CKAP2: variants seen among roughly 807,000 people sequenced by gnomAD.
CKAP2 encodes cytoskeleton-associated protein 2.
A neutral mutation model predicts 58.4 loss-of-function variants in CKAP2; 46 were observed. That is an observed-to-expected ratio of 0.79 (90% CI 0.62 to 1.01). The LOEUF (loss-of-function observed/expected upper bound fraction) is 1.01. Ranked by LOEUF, CKAP2 falls within the 50% of genes least tolerant of loss-of-function variation. The probability of loss-of-function intolerance (pLI) is 0.00; values close to 1 mark genes in which losing one functional copy is unlikely to be tolerated. For synonymous variants in CKAP2, 293 were observed against 280.9 expected (o/e 1.04, Z -0.43); for missense variants, 809 against 796.4 (o/e 1.02, Z -0.19).
intron 6 of CKAP2, among the ~76,000 whole-genome samples, chr13:52,466,154 T>A (rs1371855545): frequency 6.6e-6 from 1 of 152,164 alleles, no homozygotes. Flanking sequence ...AGTGCCTCGA[T>A]ACCATACTCC....
At position 52,461,315 on chromosome 13, in the gene CKAP2, A is replaced by G; in HGVS notation, c.489A>G (p.Gln163=). The part of the protein sequence containing the change: ...SKKKQMTTEK[Q]KQDANMPKKP... The stretch of plus-strand genomic sequence containing the variant: ...AGAAACAAATGACTACAGAAAAACA[A>G]AAGCAAGATGCTAACATGCCCAAGA... The change falls in exon 4 of 9, where the codon CAA becomes CAG. Residue 163 remains glutamine, a synonymous_variant. Transcript: ENST00000258607. 1 of 1,614,182 alleles carries G rather than the reference A, an allele frequency of 6.2e-7. No individual in the cohort carries two copies. Among genetic ancestry groups the G allele is most frequent in the East Asian group, 2.2e-5 (1 of 44,882 alleles).
chr13:52,464,747 C>T (rs1437467089), intron 5 of CKAP2, among the ~76,000 whole-genome samples: 1 of 152,106 alleles, frequency 6.6e-6, no homozygotes, highest in Non-Finnish European at 1.5e-5. Flanking sequence ...TGGTCACCCA[C>T]TAGTGTGTAA....
Position 52,460,876 on chromosome 13 carries a change from TTTG to T in CKAP2, c.156-20_156-18del. ...CCTTGGTACAGGATTGATTGATCAT[TTTG>T]TTTGTTTGTTTTTAAGTAGTAGAGA... On this transcript the variant is annotated intron_variant, in intron 2 of 8. Transcript: ENST00000258607. 5.0e-6 allele frequency: 8 copies of T among 1,605,094 alleles called. No individual in the cohort carries two copies. The highest frequency in any genetic ancestry group is 6.8e-6 in the Non-Finnish European group (8 of 1,174,006).
chr13:52,456,011 G>T, intron 1 of CKAP2: 1 of 1,060,886 alleles, frequency 9.4e-7, no homozygotes, highest in Non-Finnish European at 1.1e-6. Flanking sequence ...GGTCCCTAGC[G>T]AATTTCTGCA....
At chr13:52,455,685 C>T (rs1958466027) in intron 1 of CKAP2, 59 bp downstream of exon 1, 11 of 1,417,524 alleles carry the variant, frequency 7.8e-6, no homozygotes, top group South Asian at 4.6e-5. Flanking sequence ...GGCGCGGGCC[C>T]GGCGGTCGGG....
At position 52,461,521 on chromosome 13, in the gene CKAP2, C is replaced by T. The variant is rs1418188899; in HGVS notation, c.695C>T (p.Ser232Phe). Residue 232 changes from serine to phenylalanine, a missense_variant, in exon 4 of 9, where the codon TCC becomes TTC. By Grantham distance (155) the Ser-to-Phe change is radical. Transcript: ENST00000258607. The stretch of plus-strand genomic sequence containing the variant: ...AGTGTAACAGTGAAAAGTAATAGAT[C>T]CTCCAATATGACTGCCACTACTAAA... ...TSSVTVKSNR[S>F]SNMTATTKFV... 2 of 1,614,126 alleles carry T rather than the reference C, an allele frequency of 1.2e-6. No homozygotes were observed. Among genetic ancestry groups the T allele is most frequent in the Admixed American group, 1.7e-5 (1 of 60,010 alleles).
chr13:52,471,979 C>A (rs571003110), intron 7 of CKAP2, among the ~76,000 whole-genome samples: 1 of 152,314 alleles, frequency 6.6e-6, no homozygotes, highest in Admixed American at 6.5e-5. Flanking sequence ...CTCTCCCCTA[C>A]ATCCCTGAAT....
chr13:52,466,257 A>G (rs1566102412), intron 6 of CKAP2, among the ~76,000 whole-genome samples: 2 of 152,122 alleles, frequency 1.3e-5, no homozygotes, highest in Admixed American at 1.3e-4. Context: ...GTTTTTATGG[A>G]TACATGTTCT....
chr13:52,461,802 G>A lies in CKAP2; in HGVS notation c.976G>A (p.Ala326Thr), dbSNP rs755066439. 10 of 1,613,932 alleles carry A rather than the reference G, an allele frequency of 6.2e-6. No homozygotes were observed. In the East Asian group the frequency reaches 6.7e-5, roughly 11 times the overall value. ...SIASEVIARP[A>T]SLSNDKLMEK... ...AGCATCTGAAGTTATAGCCAGGCCT[G>A]CTTCATTGTCTAATGATAAACTGAT... The change falls in exon 4 of 9, where the codon GCT (alanine) becomes ACT (threonine). Residue 326 changes from alanine (A) to threonine (T), a missense_variant. Around this residue, in one of 3 missense-constraint regions of CKAP2, gnomAD observed 523 missense variants for 492.4 expected, o/e 1.06. Coordinates refer to ENST00000258607, the MANE Select transcript of CKAP2 (RefSeq NM_018204.5).
At chr13:52,462,636 AT>A in intron 5 of CKAP2, 69 bp downstream of exon 5, 1 of 1,246,896 alleles carries the variant, frequency 8.0e-7, no homozygotes, top group Non-Finnish European at 1.1e-6. Flanking sequence ...ATTTCATTAA[AT>A]TATATTGTCA....
At chr13:52,464,844 G>A (rs867256039) in intron 5 of CKAP2, among the ~76,000 whole-genome samples, 1 of 152,112 alleles carries the variant, frequency 6.6e-6, no homozygotes, top group Non-Finnish European at 1.5e-5. Flanking sequence ...CTGAACACCA[G>A]TAAAAGTTAC....
chr13:52,473,599 G>A (rs1034321454), intron 7 of CKAP2: 1 of 401,250 alleles, frequency 2.5e-6, no homozygotes. Flanking sequence ...TTCTTTTTGT[G>A]GGTTTTAATA....
chr13:52,475,047 A>G lies in CKAP2; in HGVS notation c.1955A>G (p.Glu652Gly), dbSNP rs1958809496. Residue 652 changes from glutamate (E) to glycine (G), a missense_variant, in exon 9 of 9, where the codon GAA (glutamate) becomes GGA (glycine). By Grantham distance (98) the Glu-to-Gly change is moderately conservative. Transcript: ENST00000258607. Reference sequence around the variant, plus strand: ...CATTATCCTTGTGTGTCTTCATTGGAACAGCTAACGGAGTTGGGAAGAGAA... The same window carrying G: ...CATTATCCTTGTGTGTCTTCATTGGGACAGCTAACGGAGTTGGGAAGAGAA... ...KDHYPCVSSL[E>G]QLTELGRETD... 3 of 1,614,206 alleles carry G rather than the reference A, an allele frequency of 1.9e-6. No homozygotes were observed. The East Asian group carries it at 6.7e-5, about 36-fold the overall frequency.
chr13:52,456,103 T>G, intron 1 of CKAP2: 1 of 1,018,290 alleles, frequency 9.8e-7, no homozygotes, highest in East Asian at 9.7e-5. Context: ...GGTTGGGTCT[T>G]CAAAACTAAT....
rs1958564573 is a variant in CKAP2, at chr13:52,460,985, G to A, written c.231+11G>A. The A allele has an allele frequency of 3.1e-6, 5 of 1,612,726 alleles. No homozygotes were observed. Among genetic ancestry groups the A allele is most frequent in the Non-Finnish European group, 4.2e-6 (5 of 1,179,690 alleles). On this transcript the variant is annotated intron_variant, in intron 3 of 8. Transcript: ENST00000258607. ...CTTAAAACAAAAATGGTAAGATGTG[G>A]ACATAGCACTCTTAAACTGTCCCCT...
chr13:52,466,028 T>C (rs1038468937), intron 6 of CKAP2, among the ~76,000 whole-genome samples: 4 of 151,394 alleles, frequency 2.6e-5, no homozygotes, highest in East Asian at 1.9e-4. Flanking sequence ...TATATACACA[T>C]ATACACATAT....
intron 7 of CKAP2, chr13:52,473,620 C>A: frequency 2.2e-6 from 1 of 461,022 alleles, no homozygotes; most frequent in Non-Finnish European, 3.8e-6. Context: ...ATCCTTTGTT[C>A]TTATTTCATA....
chr13:52,471,548 C>T (rs1242859551), intron 7 of CKAP2, among the ~76,000 whole-genome samples: 1 of 151,806 alleles, frequency 6.6e-6, no homozygotes, highest in Non-Finnish European at 1.5e-5. Flanking sequence ...ACAAGCACCA[C>T]GTGGGTGTTT....
chr13:52,472,440 AAAC>A (rs1341995333), intron 7 of CKAP2, among the ~76,000 whole-genome samples: 1 of 152,190 alleles, frequency 6.6e-6, no homozygotes, highest in Non-Finnish European at 1.5e-5. Flanking sequence ...CATGCAACTA[AAAC>A]TTCTCTTAGT....
Sources: allele counts gnomAD v4.1 joint callset (sites outside exome capture counted in the v4.1 genomes callset), GRCh38; gene constraint gnomAD v4.1.1; regional missense constraint gnomAD v4.1.1; transcripts MANE v1.5; gene names NCBI Gene and HGNC (gene_info 2026-07-23, HGNC 2026-07-21).